Variants in UGT1A8 observed in about 807,000 individuals in gnomAD.
The protein encoded by UGT1A8 is UDP glucuronosyltransferase family 1 member A8.
A neutral mutation model predicts 45.3 loss-of-function variants in UGT1A8; 39 were observed. The ratio of observed to expected loss-of-function variants is 0.86; its 90% CI spans 0.67 to 1.12. The LOEUF is 1.12. Among genes scored for constraint, UGT1A8 ranks in the 50% most tolerant of loss-of-function variants. The probability of loss-of-function intolerance (pLI) is 0.00; values close to 1 mark genes in which losing one functional copy is unlikely to be tolerated. For missense variants in UGT1A8, 719 were observed against 664.9 expected (o/e 1.08, Z -0.90); for synonymous variants, 275 against 249.2 (o/e 1.10, Z -0.97).
At chr2:233,631,355 G>A (rs1388602748) in intron 1 of UGT1A8, among the ~76,000 whole-genome samples, 2 of 152,268 alleles carry the variant, frequency 1.3e-5, no homozygotes, top group South Asian at 2.1e-4. Context: ...TATATACCTA[G>A]TAATGGGATT....
intron 1 of UGT1A8, among the ~76,000 whole-genome samples, chr2:233,748,437 T>C (rs1194940254): frequency 2.6e-5 from 4 of 151,838 alleles, no homozygotes; most frequent in African/African-American, 9.7e-5. Flanking sequence ...GATTTTTTGT[T>C]TGCACAATTT....
intron 1 of UGT1A8, among the ~76,000 whole-genome samples, chr2:233,627,843 T>C (rs1050093741): frequency 1.3e-5 from 2 of 152,010 alleles, no homozygotes; most frequent in African/African-American, 4.8e-5. Flanking sequence ...CCAGCATCAT[T>C]AGGGGCACTC....
In UGT1A8 at chr2:233,768,342, C is replaced by G; in HGVS notation, c.1198C>G (p.Arg400Gly). Residue 400 changes from arginine (R) to glycine (G), a missense_variant, in exon 4 of 5, where the codon CGC becomes GGC. Physicochemically the swap from Arg to Gly is moderately radical, Grantham distance 125. Transcript: ENST00000373450. ...TGGTGATCAGATGGACAATGCAAAG[C>G]GCATGGAGACTAAGGGAGCTGGAGT... ...LFGDQMDNAK[R>G]METKGAGVTL... 6.2e-7 allele frequency: 1 copy of G among 1,614,092 alleles called. No homozygotes were observed. Among genetic ancestry groups the G allele is most frequent in the South Asian group, 1.1e-5 (1 of 91,066 alleles).
chr2:233,743,887 C>G (rs1296707110), intron 1 of UGT1A8: 23 of 1,366,658 alleles, frequency 1.7e-5, no homozygotes, highest in Non-Finnish European at 2.3e-5. Flanking sequence ...CCTGCCGGGG[C>G]ACGTCCAGCA....
chr2:233,769,480 CGT>C lies in UGT1A8; in HGVS notation c.1295+1046_1295+1047del. 6.3e-7 allele frequency: 1 copy of C among 1,596,850 alleles called. No individual in the cohort carries two copies. Among genetic ancestry groups the C allele is most frequent in the East Asian group, 2.2e-5 (1 of 44,628 alleles). ...ATTCATATGCGTGTGTGTGTGTGTG[CGT>C]GTGTTTATGAGAGTGTCCATTGCTT... On this transcript the variant is annotated intron_variant, in intron 4 of 4. Transcript: ENST00000373450. The surrounding 1 kb of genome is among the most constrained non-coding windows in gnomAD (Gnocchi z 4.4).
At position 233,725,210 on chromosome 2, in the gene UGT1A8, AGAGGCAGAG is replaced by A. The variant is rs55801126; in HGVS notation, c.856-41813_856-41805del. The stretch of plus-strand genomic sequence containing the variant: ...CAGAGGCAGAGGCAGAGGCAGAGGC[AGAGGCAGAG>A]GAGGCAGAGGCAGAGGAGGCAGAGG... On this transcript the variant is annotated intron_variant, in intron 1 of 4. Transcript: ENST00000373450. 6.2e-4 allele frequency among the ~76,000 whole-genome samples: 55 copies of A among 88,388 alleles called. 3 individuals are homozygous for A. The highest frequency in any genetic ancestry group is 1.8e-3 in the South Asian group (4 of 2,232). 58.0% of individuals were successfully genotyped at this position (88,388 alleles called of 152,430 possible).
chr2:233,761,167 G>C, intron 1 of UGT1A8: 1 of 1,614,098 alleles, frequency 6.2e-7, no homozygotes. Flanking sequence ...TATTGGAGTG[G>C]GACTTTTACA....
At chr2:233,767,390 G>C (rs946979684) in intron 2 of UGT1A8, among the ~76,000 whole-genome samples, 5 of 152,078 alleles carry the variant, frequency 3.3e-5, no homozygotes, top group Admixed American at 2.6e-4. Context: ...ACACTCAGAA[G>C]TATCATTTTC....
intron 1 of UGT1A8, chr2:233,713,411 C>T: frequency 6.2e-7 from 1 of 1,614,112 alleles, no homozygotes; most frequent in South Asian, 1.1e-5. Context: ...TGATCAGGCA[C>T]CTGCATGCTA....
chr2:233,689,979 C>T (rs1038276271), intron 1 of UGT1A8: 2 of 453,310 alleles, frequency 4.4e-6, no homozygotes, highest in Admixed American at 2.4e-5. Flanking sequence ...CCCACAGGCC[C>T]CTAAAAGGGA....
In UGT1A8 at chr2:233,718,993, C is replaced by T. The variant is rs141408391; in HGVS notation, c.856-48041C>T. On this transcript the variant is annotated intron_variant, in intron 1 of 4. Transcript: ENST00000373450. ...GAGCTCCATGCCAGAGGCCACCAGG[C>T]GGTGGTCCTCACCCCAGAGGTGAAT... 743 of 1,614,156 alleles carry T rather than the reference C, an allele frequency of 4.6e-4. 9 individuals carry two copies. In the South Asian group the frequency reaches 5.4e-3, roughly 12 times the overall value.
At chr2:233,771,009 A>G (rs1251253785) in intron 4 of UGT1A8, 3 of 152,198 alleles carry the variant, frequency 2.0e-5, no homozygotes, top group Non-Finnish European at 4.4e-5. Flanking sequence ...TGGCAAAAGC[A>G]GGAGCGAGAG....
intron 1 of UGT1A8, chr2:233,672,415 T>G (rs774463042): frequency 6.2e-7 from 1 of 1,614,022 alleles, no homozygotes. Context: ...TGCCAAATAT[T>G]TCTCCCTCCC....
At chr2:233,661,974 A>G (rs2125489846) in intron 1 of UGT1A8, among the ~76,000 whole-genome samples, 1 of 152,234 alleles carries the variant, frequency 6.6e-6, no homozygotes, top group South Asian at 2.1e-4. Flanking sequence ...GTACACATGG[A>G]GATGATCAGC....
At chr2:233,651,009 G>A (rs1241119266) in intron 1 of UGT1A8, among the ~76,000 whole-genome samples, 9 of 152,172 alleles carry the variant, frequency 5.9e-5, no homozygotes, top group Admixed American at 5.9e-4. Flanking sequence ...TTTGGTAAAG[G>A]ATTGACTTTT....
At chr2:233,733,555 G>A (rs1474248933) in intron 1 of UGT1A8, among the ~76,000 whole-genome samples, 2 of 152,168 alleles carry the variant, frequency 1.3e-5, no homozygotes, top group East Asian at 1.9e-4. Context: ...TTCTGCATCT[G>A]TTGAAATAAT....
chr2:233,663,499 T>C (rs1361151368), intron 1 of UGT1A8, among the ~76,000 whole-genome samples: 1 of 152,032 alleles, frequency 6.6e-6, no homozygotes, highest in Admixed American at 6.6e-5. Context: ...AGCTGATCCA[T>C]CAAGGACAGG....
intron 1 of UGT1A8, among the ~76,000 whole-genome samples, chr2:233,757,366 A>G (rs1696506551): frequency 6.6e-6 from 1 of 151,072 alleles, no homozygotes; most frequent in Admixed American, 6.6e-5. Flanking sequence ...AGTGGTAGAA[A>G]CATCCAGATT....
chr2:233,700,609 T>TG (rs34100835), intron 1 of UGT1A8, among the ~76,000 whole-genome samples: 57 of 152,266 alleles, frequency 3.7e-4, no homozygotes, highest in African/African-American at 1.1e-3. Context: ...ACTCTTTTTT[T>TG]GGGGGGGTTC....
Sources: gnomAD v4.1 joint callset for allele counts (sites outside exome capture counted in the v4.1 genomes callset) on GRCh38, gnomAD v4.1.1 for gene constraint, Gnocchi (gnomAD v3.1) non-coding constraint, MANE v1.5 for transcripts, NCBI Gene and HGNC (gene_info 2026-07-23, HGNC 2026-07-21) for gene names.